The following NT5C2 variants were observed in gnomAD, a reference collection of about 807,000 sequenced individuals.
The protein encoded by NT5C2 is 5'-nucleotidase, cytosolic II.
NT5C2 carries 58 observed loss-of-function variants against 76.1 expected under a neutral mutation model. That is an observed-to-expected ratio of 0.76 (90% CI 0.62 to 0.95). The LOEUF (loss-of-function observed/expected upper bound fraction) is 0.95. Among genes scored for constraint, NT5C2 ranks in the 40% least tolerant of loss-of-function variants. The pLI, the probability that NT5C2 is intolerant of heterozygous loss-of-function variation, is 0.00. For synonymous variants in NT5C2, 229 were observed against 237.4 expected, an observed-to-expected ratio of 0.96 and a Z score of 0.32; for missense variants, 478 against 690.3, an observed-to-expected ratio of 0.69 and a Z score of 3.45.
chr10:103,145,142 C>T (rs748162350), intron 3 of NT5C2, among the ~76,000 whole-genome samples: 2 of 152,160 alleles, frequency 1.3e-5, no homozygotes. Flanking sequence ...TTATAGAGAA[C>T]TGCAATAAGC....
chr10:103,126,747 G>C (rs950385526), intron 4 of NT5C2, among the ~76,000 whole-genome samples: 2 of 152,212 alleles, frequency 1.3e-5, no homozygotes, highest in Non-Finnish European at 2.9e-5. Flanking sequence ...GTACTCGACA[G>C]ACAAACTACA....
At position 103,170,699 on chromosome 10, in the gene NT5C2, T is replaced by G. The variant is rs553965138; in HGVS notation, c.101+4159A>C. On this transcript the variant is annotated intron_variant, in intron 3 of 18. Coordinates refer to ENST00000404739, the MANE Select transcript of NT5C2 (RefSeq NM_001351169.2). ...CACCACACCTGGCTAATTTTTATGT[T>G]TTTTTTTTGTAGAGACAGGGTTTCG... is the stretch of plus-strand genomic sequence containing the variant. Among the ~76,000 whole-genome samples, 4 of 150,986 alleles carry G rather than the reference T, an allele frequency of 2.6e-5. No individual in the cohort carries two copies. In the East Asian group the frequency reaches 5.8e-4, roughly 22 times the overall value.
At chr10:103,126,617 G>T (rs11191568) in intron 4 of NT5C2, among the ~76,000 whole-genome samples, 2 of 152,026 alleles carry the variant, frequency 1.3e-5, no homozygotes, top group South Asian at 4.1e-4. Context: ...GCGAGACTCC[G>T]TCTAAAAAAC....
At chr10:103,124,875 ATAAT>A (rs2076374368) in intron 4 of NT5C2, 1 of 148,276 alleles carries the variant, frequency 6.7e-6, no homozygotes, top group South Asian at 2.1e-4. Context: ...ATATAATTTA[ATAAT>A]TAAATTTAAT....
chr10:103,097,183 CAAGA>C, intron 11 of NT5C2, 104 bp downstream of exon 11: 1 of 820,364 alleles, frequency 1.2e-6, no homozygotes, highest in South Asian at 2.2e-5. Context: ...AATGAGAAGG[CAAGA>C]AACTATTTTC....
intron 2 of NT5C2, among the ~76,000 whole-genome samples, chr10:103,177,282 G>T (rs777371861): frequency 2.0e-4 from 30 of 152,098 alleles, no homozygotes; most frequent in Non-Finnish European, 3.8e-4. Context: ...TCTAAAATGA[G>T]GTGGGCAGCT....
intron 3 of NT5C2, among the ~76,000 whole-genome samples, chr10:103,140,356 G>T (rs1372125296): frequency 2.0e-5 from 3 of 151,736 alleles, no homozygotes; most frequent in Non-Finnish European, 2.9e-5. Context: ...GTTCATCCAT[G>T]GTGTTGCAAA....
intron 1 of NT5C2, among the ~76,000 whole-genome samples, chr10:103,192,009 C>A (rs1371874117): frequency 1.3e-5 from 2 of 150,484 alleles, no homozygotes; most frequent in Non-Finnish European, 3.0e-5. Flanking sequence ...TCTTTTCGAA[C>A]TTCACCCTTT....
chr10:103,146,342 T>C, intron 3 of NT5C2: 1 of 985,464 alleles, frequency 1.0e-6, no homozygotes, highest in Non-Finnish European at 1.2e-6. Context: ...GGAGTCACAA[T>C]TTCCTGGCCA....
intron 4 of NT5C2, among the ~76,000 whole-genome samples, chr10:103,138,851 A>G (rs2136265854): frequency 6.6e-6 from 1 of 152,230 alleles, no homozygotes; most frequent in Middle Eastern, 3.4e-3. Flanking sequence ...TACTAAAAAT[A>G]CAAAAATTAG....
Position 103,172,277 on chromosome 10 carries a change from C to T in NT5C2, c.101+2581G>A, listed in dbSNP as rs371899908. ...TTTTTTTTTTTTTGAGACGGAGTCTCGCTCTGTCACCCAGGCTGGAGTGTG... is the reference window on the plus strand; with the variant it reads ...TTTTTTTTTTTTTGAGACGGAGTCTTGCTCTGTCACCCAGGCTGGAGTGTG... On this transcript the variant is annotated intron_variant, in intron 3 of 18. Coordinates refer to ENST00000404739, the MANE Select transcript of NT5C2 (RefSeq NM_001351169.2). Among the ~76,000 whole-genome samples the T allele has an allele frequency of 4.1e-5, 6 of 144,876 alleles. No individual in the cohort carries two copies. The South Asian group carries it at 1.1e-3, about 26-fold the overall frequency.
intron 4 of NT5C2, among the ~76,000 whole-genome samples, chr10:103,120,545 C>T (rs2075450888): frequency 6.6e-6 from 1 of 152,146 alleles, no homozygotes; most frequent in South Asian, 2.1e-4. Context: ...TATCACCAGC[C>T]ATTAGAGAAA....
intron 1 of NT5C2, among the ~76,000 whole-genome samples, chr10:103,192,685 C>T (rs2092724449): frequency 6.6e-6 from 1 of 152,142 alleles, no homozygotes; most frequent in Non-Finnish European, 1.5e-5. Flanking sequence ...TGCTAAAACG[C>T]TGTCAACCTG....
At chr10:103,117,257 TAATC>T (rs1164511163) in intron 4 of NT5C2, among the ~76,000 whole-genome samples, 1 of 152,150 alleles carries the variant, frequency 6.6e-6, no homozygotes, top group Non-Finnish European at 1.5e-5. Flanking sequence ...GAAATGAAAA[TAATC>T]AAACTGTATT....
intron 6 of NT5C2, among the ~76,000 whole-genome samples, chr10:103,103,062 C>A (rs1330745488): frequency 2.0e-5 from 3 of 152,094 alleles, no homozygotes; most frequent in Non-Finnish European, 4.4e-5. Context: ...TAGAAGAAAA[C>A]ATTTCAGAGA....
At chr10:103,105,664 G>T in intron 6 of NT5C2, 42 bp downstream of exon 6, 1 of 1,273,242 alleles carries the variant, frequency 7.9e-7, no homozygotes, top group South Asian at 1.2e-5. Context: ...CACATTGTTT[G>T]ACTTTAACAT....
At chr10:103,178,701 G>A (rs537569501) in intron 2 of NT5C2, among the ~76,000 whole-genome samples, 5 of 151,594 alleles carry the variant, frequency 3.3e-5, no homozygotes, top group African/African-American at 9.7e-5. Flanking sequence ...ATGGTGGCAC[G>A]CATCTGTAAT....
intron 4 of NT5C2, among the ~76,000 whole-genome samples, chr10:103,127,018 C>A (rs1236954737): frequency 6.6e-6 from 1 of 152,158 alleles, no homozygotes; most frequent in African/African-American, 2.4e-5. Flanking sequence ...TTAGGTTCCC[C>A]AGGCTGGTCT....
intron 3 of NT5C2, among the ~76,000 whole-genome samples, chr10:103,167,614 A>AGG (rs2086721770): frequency 6.6e-6 from 1 of 152,108 alleles, no homozygotes; most frequent in African/African-American, 2.4e-5. Flanking sequence ...TTTAAAAAAA[A>AGG]AAATAAAGAT....
Sources: gnomAD v4.1 joint callset for allele counts (sites outside exome capture counted in the v4.1 genomes callset) on GRCh38, gnomAD v4.1.1 for gene constraint, MANE v1.5 for transcripts, NCBI Gene and HGNC (gene_info 2026-07-23, HGNC 2026-07-21) for gene names.